Variants in ATP10B observed in about 807,000 individuals in gnomAD.
ATP10B encodes the protein ATPase phospholipid transporting 10B (putative), also known as phospholipid-transporting ATPase VB.
In ATP10B, 122 loss-of-function variants were observed where a neutral mutation model predicts 141.2. That is an observed-to-expected ratio of 0.86 (90% confidence interval 0.75 to 1.00). The LOEUF (loss-of-function observed/expected upper bound fraction) is 1.00. Among genes scored for constraint, ATP10B ranks in the 50% least tolerant of loss-of-function variants. The pLI, the probability that ATP10B is intolerant of heterozygous loss-of-function variation, is 0.00. For synonymous variants in ATP10B, 685 were observed against 692.0 expected (o/e 0.99, Z 0.16); for missense variants, 1,876 against 1,825.3 (o/e 1.03, Z -0.51).
chr5:160,662,100 A>G (rs1016225515), intron 7 of ATP10B, among the ~76,000 whole-genome samples: 1 of 152,256 alleles, frequency 6.6e-6, no homozygotes, highest in African/African-American at 2.4e-5. Flanking sequence ...GATGTGAAGG[A>G]ACTTTTCAAG....
intron 22 of ATP10B, among the ~76,000 whole-genome samples, chr5:160,597,713 A>T (rs189668094): frequency 1.3e-5 from 2 of 152,018 alleles, no homozygotes; most frequent in African/African-American, 4.8e-5. Context: ...AAAATAAACA[A>T]CCCCATCAAA....
intron 1 of ATP10B, among the ~76,000 whole-genome samples, chr5:160,813,680 GCCT>G (rs1221142913): frequency 2.0e-5 from 3 of 152,208 alleles, no homozygotes; most frequent in African/African-American, 4.8e-5. Flanking sequence ...CGGACAGACT[GCCT>G]CCTCAAGTGG....
intron 7 of ATP10B, among the ~76,000 whole-genome samples, chr5:160,667,674 A>G (rs1398623769): frequency 2.0e-5 from 3 of 152,198 alleles, no homozygotes; most frequent in Non-Finnish European, 4.4e-5. Flanking sequence ...GACTCATTAA[A>G]TAGGCTGGTC....
At chr5:160,604,699 G>A (rs1757280282) in intron 19 of ATP10B, among the ~76,000 whole-genome samples, 1 of 151,814 alleles carries the variant, frequency 6.6e-6, no homozygotes, top group African/African-American at 2.4e-5. Context: ...CTGGAGGTAA[G>A]GCATAGACAC....
the ATP10B span, among the ~76,000 whole-genome samples, chr5:160,895,584 C>T: frequency 1.3e-5 from 2 of 152,078 alleles, no homozygotes; most frequent in African/African-American, 4.8e-5. Flanking sequence ...ACTTAGACTC[C>T]CACACAATAA....
At chr5:160,868,579 A>G in the ATP10B span, among the ~76,000 whole-genome samples, 4 of 146,542 alleles carry the variant, frequency 2.7e-5, no homozygotes, top group Non-Finnish European at 6.1e-5. Context: ...CGATGCAACT[A>G]TATCTCTCTG....
Position 160,612,725 on chromosome 5 carries a change from C to T in ATP10B, c.2838+16G>A, listed in dbSNP as rs1286033363. On this transcript the variant is annotated intron_variant, in intron 18 of 25. Coordinates refer to ENST00000327245, the MANE Select transcript of ATP10B (RefSeq NM_025153.3). Reference sequence around the variant, plus strand: ...ACGTTGATATCTGCAGATATCAATACAGAGAATCACCTCACCTGATTCTCT... The same window carrying T: ...ACGTTGATATCTGCAGATATCAATATAGAGAATCACCTCACCTGATTCTCT... 6.2e-7 allele frequency: 1 copy of T among 1,606,606 alleles called. No individual in the cohort carries two copies. Among genetic ancestry groups the T allele is most frequent in the Non-Finnish European group, 8.5e-7 (1 of 1,174,732 alleles).
intron 1 of ATP10B, among the ~76,000 whole-genome samples, chr5:160,812,049 AGAGAGAGAGAGGGAGAGG>A (rs1561880070): frequency 7.1e-4 from 102 of 144,470 alleles, no homozygotes; most frequent in African/African-American, 2.5e-3. Context: ...AGAGAGAGAG[AGAGAGAGAGAGGGAGAGG>A]GAGAGAGATT....
intron 1 of ATP10B, among the ~76,000 whole-genome samples, chr5:160,847,744 T>C (rs1776215275): frequency 6.6e-6 from 1 of 152,160 alleles, no homozygotes; most frequent in Non-Finnish European, 1.5e-5. Flanking sequence ...AATGAATGCA[T>C]CAGCAATTCA....
At position 160,831,905 on chromosome 5, in the gene ATP10B, A is replaced by C. The variant is rs1475421924; in HGVS notation, c.-576+20036T>G. ...CTCACTTTTCTTTATGGCTTCCCAG[A>C]GTCTCTATCTCTAAAAACGAAAGTA... is the stretch of plus-strand genomic sequence containing the variant. On this transcript the variant is annotated intron_variant, in intron 1 of 25. Coordinates refer to ENST00000327245, the MANE Select transcript of ATP10B (RefSeq NM_025153.3). 2.0e-5 allele frequency among the ~76,000 whole-genome samples: 3 copies of C among 152,140 alleles called. No homozygotes were observed. In the East Asian group the frequency reaches 5.8e-4, roughly 29 times the overall value.
chr5:160,767,557 G>A (rs1280388009), intron 2 of ATP10B, among the ~76,000 whole-genome samples: 1 of 149,356 alleles, frequency 6.7e-6, no homozygotes, highest in Non-Finnish European at 1.5e-5. Context: ...GCCATAGAAT[G>A]TATTATAAAT....
At chr5:160,919,325 GGCATCTGCTTTGTACTAGGCCCTAA>G in the ATP10B span, among the ~76,000 whole-genome samples, 20 of 151,178 alleles carry the variant, frequency 1.3e-4, no homozygotes, top group Non-Finnish European at 1.9e-4. Flanking sequence ...TATTTACTGG[GGCATCTGCTTTGTACTAGGCCCTAA>G]GGCTATGATA....
the ATP10B span, among the ~76,000 whole-genome samples, chr5:160,887,094 C>T: frequency 1.3e-5 from 2 of 152,106 alleles, no homozygotes; most frequent in East Asian, 1.9e-4. Flanking sequence ...GAGCCAGGCA[C>T]GAATTTTCAA....
chr5:160,873,504 C>T, the ATP10B span, among the ~76,000 whole-genome samples: 1 of 152,174 alleles, frequency 6.6e-6, no homozygotes. Flanking sequence ...TAAGAATAGA[C>T]AAAAACATGG....
At chr5:160,596,221 T>A (rs930228015) in intron 22 of ATP10B, among the ~76,000 whole-genome samples, 1 of 152,222 alleles carries the variant, frequency 6.6e-6, no homozygotes, top group Non-Finnish European at 1.5e-5. Flanking sequence ...ATCCCTGGGA[T>A]GCAAGGCTGG....
chr5:160,841,381 T>A (rs1775800112), intron 1 of ATP10B, among the ~76,000 whole-genome samples: 1 of 152,162 alleles, frequency 6.6e-6, no homozygotes, highest in Non-Finnish European at 1.5e-5. Flanking sequence ...TACATCTACT[T>A]ATCTTTACAA....
chr5:160,650,891 G>A (rs550904885), intron 7 of ATP10B, among the ~76,000 whole-genome samples: 7 of 152,230 alleles, frequency 4.6e-5, no homozygotes, highest in Admixed American at 3.9e-4. Flanking sequence ...ATTGGGCCAC[G>A]AGAAATAGCA....
chr5:160,621,774 G>A (rs1024546441), intron 14 of ATP10B, among the ~76,000 whole-genome samples: 3 of 152,134 alleles, frequency 2.0e-5, no homozygotes, highest in Non-Finnish European at 4.4e-5. Context: ...AAGATTGAAG[G>A]CAAATCCACC....
At chr5:160,911,415 T>C in the ATP10B span, among the ~76,000 whole-genome samples, 4 of 152,172 alleles carry the variant, frequency 2.6e-5, no homozygotes, top group Non-Finnish European at 5.9e-5. Flanking sequence ...AAGAATTAAC[T>C]CAAATAGAAT....
Sources: allele counts gnomAD v4.1 joint callset (sites outside exome capture counted in the v4.1 genomes callset), GRCh38; gene constraint gnomAD v4.1.1; transcripts MANE v1.5; gene names NCBI Gene and HGNC (gene_info 2026-07-23, HGNC 2026-07-21).